The following RAD52 variants were observed in gnomAD, a reference collection of about 807,000 sequenced individuals.
RAD52 encodes the protein DNA repair protein RAD52 homolog.
Under a neutral mutation model 55.5 loss-of-function variants are expected in RAD52, and 47 were observed. The ratio of observed to expected loss-of-function variants is 0.85; its 90% CI spans 0.67 to 1.08. The LOEUF is 1.08. RAD52 is among the 50% of genes least tolerant of loss of function. The pLI, the probability that RAD52 is intolerant of heterozygous loss-of-function variation, is 0.00. For synonymous variants in RAD52, 184 were observed against 198.9 expected, an observed-to-expected ratio of 0.92 and a Z score of 0.63; for missense variants, 468 against 522.8, an observed-to-expected ratio of 0.90 and a Z score of 1.02.
chr12:943,279 CCGACTCCAAGGA>C (rs1958011127), intron 1 of RAD52, among the ~76,000 whole-genome samples: 1 of 152,176 alleles, frequency 6.6e-6, no homozygotes, highest in Non-Finnish European at 1.5e-5. Context: ...AAACCAAAGG[CCGACTCCAAGGA>C]CGGAGCCACA....
At chr12:984,724 G>T (rs1276912625) in intron 1 of RAD52, among the ~76,000 whole-genome samples, 2 of 150,248 alleles carry the variant, frequency 1.3e-5, no homozygotes, top group Non-Finnish European at 3.0e-5. Context: ...GAGTGCAGTG[G>T]CGTGATCTCG....
At chr12:971,698 C>T (rs1405188532) in intron 1 of RAD52, among the ~76,000 whole-genome samples, 1 of 151,938 alleles carries the variant, frequency 6.6e-6, no homozygotes, top group African/African-American at 2.4e-5. Context: ...CTAACAAGAA[C>T]GTATAACTCG....
chr12:930,822 C>T (rs1323544114), intron 3 of RAD52, among the ~76,000 whole-genome samples: 2 of 151,866 alleles, frequency 1.3e-5, no homozygotes, highest in Non-Finnish European at 2.9e-5. Context: ...AAAAAATTAA[C>T]CAGGTGTGGT....
rs73029312 is a variant in RAD52 at position 959,710 on chromosome 12, C to T, written c.-18-26634G>A. On this transcript the variant is annotated intron_variant, in intron 1 of 11. Transcript: ENST00000430095. ...AAGAGCAAAACCTTCATAAGGTGTTCTCAGAAGCAAGACAAAGACAACATA... is the reference window on the plus strand; with the variant it reads ...AAGAGCAAAACCTTCATAAGGTGTTTTCAGAAGCAAGACAAAGACAACATA... 9.5e-3 allele frequency among the ~76,000 whole-genome samples: 1,454 copies of T among 152,278 alleles called. 14 individuals carry two copies. The highest frequency in any genetic ancestry group is 0.033 in the South Asian group (161 of 4,816).
chr12:931,229 T>A lies in RAD52; in HGVS notation c.177A>T (p.Gly59=). The change falls in exon 3 of 12, where the codon GGA becomes GGT. Residue 59 remains glycine, a synonymous_variant. Transcript: ENST00000358495. ...ACATGAATTCTCCTACCTTCTGGCC[T>A]CCGCCAGCCATGCGGCTACTTATGT... ...PEYISSRMAG[G]GQKVCYIEGH... 6.2e-7 allele frequency: 1 copy of A among 1,611,844 alleles called. No individual in the cohort carries two copies. Among genetic ancestry groups the A allele is most frequent in the African/African-American group, 1.3e-5 (1 of 74,964 alleles).
intron 1 of RAD52, among the ~76,000 whole-genome samples, chr12:935,818 A>C (rs1223416362): frequency 2.6e-5 from 4 of 151,184 alleles, no homozygotes; most frequent in Admixed American, 2.6e-4. Context: ...GCGCCATTGC[A>C]CTCCCGCCTG....
chr12:978,666 G>A (rs1958967561), intron 1 of RAD52, among the ~76,000 whole-genome samples: 1 of 152,054 alleles, frequency 6.6e-6, no homozygotes, highest in Non-Finnish European at 1.5e-5. Flanking sequence ...AGCTGGGCAT[G>A]GCGGCGTGCA....
intron 1 of RAD52, among the ~76,000 whole-genome samples, chr12:962,889 T>A (rs1481123174): frequency 6.6e-6 from 1 of 152,130 alleles, no homozygotes; most frequent in Non-Finnish European, 1.5e-5. Flanking sequence ...TTTTATACTT[T>A]TCACTTTTAC....
intron 1 of RAD52, among the ~76,000 whole-genome samples, chr12:971,762 T>A (rs1223690780): frequency 6.6e-6 from 1 of 152,168 alleles, no homozygotes; most frequent in Non-Finnish European, 1.5e-5. Context: ...GGAATTTTTT[T>A]TTTTTGAGAC....
chr12:924,094 T>G (rs1458334283), intron 7 of RAD52, among the ~76,000 whole-genome samples: 2 of 138,504 alleles, frequency 1.4e-5, no homozygotes, highest in African/African-American at 2.7e-5. Context: ...GACTAATATC[T>G]CTCATAAACA....
At chr12:977,324 C>T (rs1437264161) in intron 1 of RAD52, among the ~76,000 whole-genome samples, 1 of 152,192 alleles carries the variant, frequency 6.6e-6, no homozygotes, top group Non-Finnish European at 1.5e-5. Flanking sequence ...ACTGAAGTTA[C>T]GTGCATGCTC....
chr12:941,514 C>T (rs1442849840), intron 1 of RAD52, among the ~76,000 whole-genome samples: 1 of 152,086 alleles, frequency 6.6e-6, no homozygotes, highest in Non-Finnish European at 1.5e-5. Context: ...GACAGGGTTT[C>T]TCCATGTTGG....
chr12:916,129 A>C, intron 9 of RAD52: 1 of 1,271,716 alleles, frequency 7.9e-7, no homozygotes, highest in Non-Finnish European at 1.0e-6. Flanking sequence ...CCACGGGGGA[A>C]AAAAGAAATC....
intron 1 of RAD52, among the ~76,000 whole-genome samples, chr12:960,558 G>A (rs1040734962): frequency 3.3e-5 from 5 of 152,160 alleles, no homozygotes; most frequent in Admixed American, 2.6e-4. Flanking sequence ...AAACTCCTGG[G>A]CTCAAGCAAT....
chr12:962,765 G>A (rs1179932218), intron 1 of RAD52, among the ~76,000 whole-genome samples: 2 of 152,062 alleles, frequency 1.3e-5, no homozygotes, highest in Non-Finnish European at 2.9e-5. Context: ...CCAGGCTGGA[G>A]TGCAGTGGCA....
rs1413869323 is a variant in RAD52, at chr12:925,610, G to A, written c.468-85C>T. On this transcript the variant is annotated intron_variant, in intron 6 of 11. Transcript: ENST00000358495. ...AGAATAGAATTACAACTTTTGTACAGGTTGCTTCTCAGGAGCAGCAGAGGA... is the reference window on the plus strand; with the variant it reads ...AGAATAGAATTACAACTTTTGTACAAGTTGCTTCTCAGGAGCAGCAGAGGA... 27 of 1,157,484 alleles carry A rather than the reference G, an allele frequency of 2.3e-5. No individual in the cohort carries two copies. In the Admixed American group the frequency reaches 4.7e-4, roughly 20 times the overall value. 71.7% of individuals were successfully genotyped at this position (1,157,484 alleles called of 1,614,324 possible).
At chr12:954,446 A>G (rs140655030), upstream of RAD52, among the ~76,000 whole-genome samples, 668 of 152,316 alleles carry the variant, frequency 4.4e-3, 4 homozygotes, top group African/African-American at 0.015. Flanking sequence ...AGCCTGGCCA[A>G]CATGACAAAA....
chr12:939,089 G>GTGTGTGTGT (rs1957790395), intron 1 of RAD52, among the ~76,000 whole-genome samples: 1 of 61,770 alleles, frequency 1.6e-5, no homozygotes, highest in African/African-American at 5.9e-5. Context: ...TGTGTGTAGA[G>GTGTGTGTGT]AGAGAGAAAA....
chr12:917,239 C>T (rs1956445300), intron 7 of RAD52, among the ~76,000 whole-genome samples: 1 of 152,208 alleles, frequency 6.6e-6, no homozygotes, highest in Non-Finnish European at 1.5e-5. Flanking sequence ...TGTGGCATCA[C>T]GAAGAACCCT....
Sources: gnomAD v4.1 joint callset for allele counts (sites outside exome capture counted in the v4.1 genomes callset) on GRCh38, gnomAD v4.1.1 for gene constraint, MANE v1.5 for transcripts, NCBI Gene and HGNC (gene_info 2026-07-23, HGNC 2026-07-21) for gene names.